Variants in HRCT1 observed in about 807,000 individuals in gnomAD.
The protein encoded by HRCT1 is histidine-rich carboxyl terminus protein 1.
For missense variants in HRCT1, 185 were observed against 161.3 expected (o/e 1.15, Z -0.80); for synonymous variants, 76 against 69.0 (o/e 1.10, Z -0.50).
Position 35,906,592 on chromosome 9 carries a change from A to ACCACCACCACCACCACCC in HRCT1, c.316_317insACCACCCCCACCACCACC (p.His105_Pro106insHisHisProHisHisHis). The ACCACCACCACCACCACCC allele has an allele frequency of 7.8e-7, 1 of 1,278,044 alleles. No homozygotes were observed. 79.2% of individuals were successfully genotyped at this position (1,278,044 alleles called of 1,614,324 possible). A position where few individuals can be genotyped will look rare whatever the true frequency, so the allele number is the denominator to read the frequency against. On this transcript the variant is annotated inframe_insertion, in exon 1 of 1. Coordinates refer to ENST00000354323, the MANE Select transcript of HRCT1 (RefSeq NM_001039792.2). ...CGCCACACCCCTCACCACCTCCACC[A>ACCACCACCACCACCACCC]CCACCACCACCCCCACCGCCACCAT...
chr9:35,906,396 C>T, the HRCT1 span: 2 of 1,612,564 alleles, frequency 1.2e-6, no homozygotes, highest in Non-Finnish European at 1.7e-6. Flanking sequence ...CCACGGACGG[C>T]AGGACTGTGA....
rs1554690920 is a variant in HRCT1 at position 35,906,601 on chromosome 9, A to ACCACCACCC, written c.316_317insACCACCCCC (p.His105_Pro106insHisHisPro). 1.2e-5 allele frequency: 13 copies of ACCACCACCC among 1,079,738 alleles called. No homozygotes were observed. The African/African-American group carries it at 3.5e-4, about 29-fold the overall frequency. 66.9% of individuals were successfully genotyped at this position (1,079,738 alleles called of 1,614,324 possible). The stretch of plus-strand genomic sequence containing the variant: ...CCTCACCACCTCCACCACCACCACC[A>ACCACCACCC]CCCCCACCGCCACCATCCCCGCCAC... On this transcript the variant is annotated inframe_insertion, in exon 1 of 1. Transcript: ENST00000354323.
In HRCT1 at chr9:35,906,592, A is replaced by ACCACCT. The variant is rs1554690906; in HGVS notation, c.310_311insTCCACC (p.His103_His104insLeuHis). The ACCACCT allele has an allele frequency of 3.2e-5, 41 of 1,278,164 alleles. No individual in the cohort carries two copies. The highest frequency in any genetic ancestry group is 6.6e-5 in the South Asian group (5 of 75,806). The allele number at this position is 1,278,164 out of a possible 1,614,324, so 79.2% of individuals were successfully genotyped here. Reference sequence around the variant, plus strand: ...CGCCACACCCCTCACCACCTCCACCACCACCACCACCCCCACCGCCACCAT... The same window carrying ACCACCT: ...CGCCACACCCCTCACCACCTCCACCACCACCTCCACCACCACCCCCACCGCCACCAT... On this transcript the variant is annotated inframe_insertion, in exon 1 of 1. Transcript: ENST00000354323.
In HRCT1 at chr9:35,906,272, A is replaced by G. The variant is rs1055921741; in HGVS notation, c.-16A>G. On this transcript the variant is annotated 5_prime_UTR_variant, in exon 1 of 1. Coordinates refer to ENST00000354323, the MANE Select transcript of HRCT1 (RefSeq NM_001039792.2). Reference sequence around the variant, plus strand: ...GTGAGGAGCTGCTGGGCAGAGAGGGACTGTCCGGCTCCCAGATGCTGGGCC... The same window carrying G: ...GTGAGGAGCTGCTGGGCAGAGAGGGGCTGTCCGGCTCCCAGATGCTGGGCC... 4 of 1,585,058 alleles carry G rather than the reference A, an allele frequency of 2.5e-6. No homozygotes were observed. The highest frequency in any genetic ancestry group is 2.6e-6 in the Non-Finnish European group (3 of 1,164,316).
the HRCT1 span, chr9:35,906,429 GC>G: frequency 6.2e-7 from 1 of 1,613,066 alleles, no homozygotes; most frequent in African/African-American, 1.3e-5. Context: ...CCGTACAGCT[GC>G]AGGGGGAAAC....
rs772633159 is a variant in HRCT1 at position 35,906,595 on chromosome 9, A to ACCACCACCCCCACCACCACCACCC, written c.322_323insACCACCACCCCCACCACCCCCACC (p.His107_Arg108insHisHisHisProHisHisProHis). 1.7e-6 allele frequency: 2 copies of ACCACCACCCCCACCACCACCACCC among 1,197,548 alleles called. No homozygotes were observed. The highest frequency in any genetic ancestry group is 4.8e-5 in the African/African-American group (2 of 42,060). 74.2% of individuals were successfully genotyped at this position (1,197,548 alleles called of 1,614,324 possible). A position where few individuals can be genotyped will look rare whatever the true frequency, so the allele number is the denominator to read the frequency against. ...CACACCCCTCACCACCTCCACCACC[A>ACCACCACCCCCACCACCACCACCC]CCACCACCCCCACCGCCACCATCCC... On this transcript the variant is annotated inframe_insertion, in exon 1 of 1. Transcript: ENST00000354323.
rs79156963 is a variant in HRCT1 at position 35,906,586 on chromosome 9, T to TCCACCACCACCACCACCACCC, written c.316_317insACCCCCACCACCACCACCACC (p.His105_Pro106insHisProHisHisHisHisHis). 5 of 1,189,892 alleles carry TCCACCACCACCACCACCACCC rather than the reference T, an allele frequency of 4.2e-6. No homozygotes were observed. The highest frequency in any genetic ancestry group is 2.5e-5 in the African/African-American group (1 of 39,920). 73.7% of individuals were successfully genotyped at this position (1,189,892 alleles called of 1,614,324 possible). On this transcript the variant is annotated inframe_insertion, in exon 1 of 1. Coordinates refer to ENST00000354323, the MANE Select transcript of HRCT1 (RefSeq NM_001039792.2). ...CACCCCCGCCACACCCCTCACCACC[T>TCCACCACCACCACCACCACCC]CCACCACCACCACCACCCCCACCGC...
At position 35,907,055 on chromosome 9, in the gene HRCT1, CT is replaced by C; in HGVS notation, c.*424del. 4.1e-6 allele frequency: 1 copy of C among 244,278 alleles called. No individual in the cohort carries two copies. The highest frequency in any genetic ancestry group is 8.6e-6 in the Non-Finnish European group (1 of 115,876). 15.1% of individuals were successfully genotyped at this position (244,278 alleles called of 1,614,324 possible). On this transcript the variant is annotated 3_prime_UTR_variant, in exon 1 of 1. Transcript: ENST00000354323. Reference sequence around the variant, plus strand: ...CACTGGGAGAGGCCCTGAGAATGTCCTTTTGGTTTGGAGAAGGCAGTGTGAG... The same window carrying C: ...CACTGGGAGAGGCCCTGAGAATGTCCTTTGGTTTGGAGAAGGCAGTGTGAG...
At position 35,906,602 on chromosome 9, in the gene HRCT1, C is replaced by CCCCCCCCACCGCCACCAT. The variant is rs1833102895; in HGVS notation, c.319_320insCCCACCGCCACCATCCCC (p.Pro106_His107insProHisArgHisHisPro). Reference sequence around the variant, plus strand: ...CTCACCACCTCCACCACCACCACCACCCCCACCGCCACCATCCCCGCCACG... The same window carrying CCCCCCCCACCGCCACCAT: ...CTCACCACCTCCACCACCACCACCACCCCCCCCACCGCCACCATCCCCACCGCCACCATCCCCGCCACG... On this transcript the variant is annotated inframe_insertion, in exon 1 of 1. Coordinates refer to ENST00000354323, the MANE Select transcript of HRCT1 (RefSeq NM_001039792.2). 1.4e-6 allele frequency: 2 copies of CCCCCCCCACCGCCACCAT among 1,477,842 alleles called. No homozygotes were observed. The highest frequency in any genetic ancestry group is 3.0e-5 in the African/African-American group (2 of 66,592). The allele number at this position is 1,477,842 out of a possible 1,614,324, so 91.5% of individuals were successfully genotyped here.
Position 35,906,544 on chromosome 9 carries a change from GCCT to G in HRCT1, c.260_262del (p.Leu87del). The G allele has an allele frequency of 6.6e-7, 1 of 1,508,266 alleles. No individual in the cohort carries two copies. Among genetic ancestry groups the G allele is most frequent in the Non-Finnish European group, 9.0e-7 (1 of 1,117,228 alleles). The allele number at this position is 1,508,266 out of a possible 1,614,324, so 93.4% of individuals were successfully genotyped here. ...CACGTATCTCATGTGCCGAATGTGG[GCCT>G]CCACCACCACCACCACCCCCGCCAC... On this transcript the variant is annotated inframe_deletion, in exon 1 of 1. Coordinates refer to ENST00000354323, the MANE Select transcript of HRCT1 (RefSeq NM_001039792.2).
chr9:35,906,738 G>T lies in HRCT1; in HGVS notation c.*103G>T. ...TTCCATGTGGAAGGATGCATCTCTG[G>T]GGTGAACGAGGGGAACAATAGACTG... On this transcript the variant is annotated 3_prime_UTR_variant, in exon 1 of 1. Transcript: ENST00000354323. 9 of 1,461,306 alleles carry T rather than the reference G, an allele frequency of 6.2e-6. No individual in the cohort carries two copies. The highest frequency in any genetic ancestry group is 8.3e-6 in the Non-Finnish European group (9 of 1,084,522). 90.5% of individuals were successfully genotyped at this position (1,461,306 alleles called of 1,614,324 possible).
rs764293555 is a variant in HRCT1, at chr9:35,906,420, C to T, written c.133C>T (p.Arg45Cys). The stretch of plus-strand genomic sequence containing the variant: ...GCAGGACTGTGACGTGGAGAGGAAC[C>T]GTACAGCTGCAGGGGGAAACCGAGT... ...GRQDCDVERN[R>C]TAAGGNRVRR... Residue 45 changes from arginine to cysteine, a missense_variant, in exon 1 of 1, where the codon CGT becomes TGT. By Grantham distance (180) the Arg-to-Cys change is radical (BLOSUM62 -3). Transcript: ENST00000354323. The T allele has an allele frequency of 3.5e-5, 57 of 1,612,854 alleles. No individual in the cohort carries two copies. The highest frequency in any genetic ancestry group is 1.6e-4 in the Middle Eastern group (1 of 6,080).
In HRCT1 at chr9:35,906,589, A is replaced by ACCACCT. The variant is rs1554690897; in HGVS notation, c.307_308insTCCACC (p.His102_His103insLeuHis). On this transcript the variant is annotated inframe_insertion, in exon 1 of 1. Coordinates refer to ENST00000354323, the MANE Select transcript of HRCT1 (RefSeq NM_001039792.2). ...CCCCGCCACACCCCTCACCACCTCC[A>ACCACCT]CCACCACCACCACCCCCACCGCCAC... 4.7e-5 allele frequency: 48 copies of ACCACCT among 1,020,736 alleles called. No homozygotes were observed. The East Asian group carries it at 1.0e-3, about 22-fold the overall frequency. The allele number at this position is 1,020,736 out of a possible 1,614,324, so 63.2% of individuals were successfully genotyped here.
rs146328609 is a variant in HRCT1, at chr9:35,906,407, C to T, written c.120C>T (p.Asp40=). 197 of 1,612,770 alleles carry T rather than the reference C, an allele frequency of 1.2e-4. No individual in the cohort carries two copies. Among genetic ancestry groups the T allele is most frequent in the Non-Finnish European group, 1.5e-4 (175 of 1,180,010 alleles). ...TTTTCCACGGACGGCAGGACTGTGA[C>T]GTGGAGAGGAACCGTACAGCTGCAG... ...TCLFHGRQDC[D]VERNRTAAGG... The change falls in exon 1 of 1, where the codon GAC becomes GAT. Residue 40 remains aspartate (D), a synonymous_variant. Coordinates refer to ENST00000354323, the MANE Select transcript of HRCT1 (RefSeq NM_001039792.2).
chr9:35,906,575 C>CA, the HRCT1 span: 1 of 1,569,756 alleles, frequency 6.4e-7, no homozygotes, highest in Non-Finnish European at 8.6e-7. Context: ...CCCGCCACAC[C>CA]CCTCACCACC....
chr9:35,906,887 G>C lies in HRCT1; in HGVS notation c.*252G>C. The C allele has an allele frequency of 1.8e-6, 1 of 543,794 alleles. No individual in the cohort carries two copies. The highest frequency in any genetic ancestry group is 3.3e-6 in the Non-Finnish European group (1 of 301,886). The allele number at this position is 543,794 out of a possible 1,614,324, so 33.7% of individuals were successfully genotyped here. ...TGGAGAGCAAGGGTGCTCTTTCGGG[G>C]CTGGACAGCCCGTCTTGTGACAGTG... On this transcript the variant is annotated 3_prime_UTR_variant, in exon 1 of 1. Coordinates refer to ENST00000354323, the MANE Select transcript of HRCT1 (RefSeq NM_001039792.2).
rs149557496 is a variant in HRCT1, at chr9:35,906,658, G to A, written c.*23G>A. ...TGAGGCTGCTGTCGCCGGTGCCTGTGGACAGCAGCTGCCCCTGCCCTCCCA... is the reference window on the plus strand; with the variant it reads ...TGAGGCTGCTGTCGCCGGTGCCTGTAGACAGCAGCTGCCCCTGCCCTCCCA... On this transcript the variant is annotated 3_prime_UTR_variant, in exon 1 of 1. Transcript: ENST00000354323. The A allele has an allele frequency of 0.02, 26,314 of 1,339,856 alleles. 379 individuals carry two copies. The highest frequency in any genetic ancestry group is 0.052 in the Middle Eastern group (164 of 3,136). The allele number at this position is 1,339,856 out of a possible 1,614,324, so 83.0% of individuals were successfully genotyped here.
In HRCT1 at chr9:35,906,598, A is replaced by ACCACCT; in HGVS notation, c.316_317insTCCACC (p.His105_Pro106insLeuHis). On this transcript the variant is annotated inframe_insertion, in exon 1 of 1. Coordinates refer to ENST00000354323, the MANE Select transcript of HRCT1 (RefSeq NM_001039792.2). Reference sequence around the variant, plus strand: ...ACCCCTCACCACCTCCACCACCACCACCACCCCCACCGCCACCATCCCCGC... The same window carrying ACCACCT: ...ACCCCTCACCACCTCCACCACCACCACCACCTCCACCCCCACCGCCACCATCCCCGC... 1 of 1,194,686 alleles carries ACCACCT rather than the reference A, an allele frequency of 8.4e-7. No homozygotes were observed. Among genetic ancestry groups the ACCACCT allele is most frequent in the Non-Finnish European group, 1.1e-6 (1 of 910,634 alleles). 74.0% of individuals were successfully genotyped at this position (1,194,686 alleles called of 1,614,324 possible).
In HRCT1 at chr9:35,906,556, A is replaced by ACCACCCCCGCCACACCCCTCACCACCT; in HGVS notation, c.274_275insCCCGCCACACCCCTCACCACCTCCACC (p.His91_His92insProArgHisThrProHisHisLeuHis). On this transcript the variant is annotated inframe_insertion, in exon 1 of 1. Coordinates refer to ENST00000354323, the MANE Select transcript of HRCT1 (RefSeq NM_001039792.2). ...GTGCCGAATGTGGGCCTCCACCACC[A>ACCACCCCCGCCACACCCCTCACCACCT]CCACCACCCCCGCCACACCCCTCAC... 6.4e-7 allele frequency: 1 copy of ACCACCCCCGCCACACCCCTCACCACCT among 1,561,144 alleles called. No homozygotes were observed. The highest frequency in any genetic ancestry group is 8.6e-7 in the Non-Finnish European group (1 of 1,156,136).
Sources: allele counts gnomAD v4.1 joint callset, GRCh38; gene constraint gnomAD v4.1.1; transcripts MANE v1.5; gene names NCBI Gene and HGNC (gene_info 2026-07-23, HGNC 2026-07-21).